The following CACNA1A variants were observed in gnomAD, a reference collection of about 807,000 sequenced individuals.
The protein encoded by CACNA1A is calcium voltage-gated channel subunit alpha1 A, also known as voltage-dependent P/Q-type calcium channel subunit alpha-1A.
CACNA1A carries 57 observed loss-of-function variants against 262.4 expected under a neutral mutation model. The observed-to-expected ratio is 0.22, with a 90% CI of 0.18 to 0.27. The LOEUF is 0.27. Among genes scored for constraint, CACNA1A ranks in the 10% least tolerant of loss-of-function variants. The pLI, the probability that CACNA1A is intolerant of heterozygous loss-of-function variation, is 1.00. For missense variants in CACNA1A, 2,526 were observed against 3,562.8 expected, an observed-to-expected ratio of 0.71 and a Z score of 7.41; for synonymous variants, 1,431 against 1,419.3, an observed-to-expected ratio of 1.01 and a Z score of -0.18.
chr19:13,344,424 T>C (rs1339768738), intron 6 of CACNA1A, among the ~76,000 whole-genome samples: 1 of 152,146 alleles, frequency 6.6e-6, no homozygotes, highest in East Asian at 1.9e-4. Context: ...TTTCTTCTTA[T>C]CACTCAACCT....
chr19:13,255,322 C>G, intron 28 of CACNA1A, 63 bp from the exon 29 acceptor site: 1 of 1,457,072 alleles, frequency 6.9e-7, no homozygotes, highest in Non-Finnish European at 9.2e-7. Flanking sequence ...GTACACCGGG[C>G]ACCCTCTGTC....
intron 38 of CACNA1A, among the ~76,000 whole-genome samples, chr19:13,216,530 G>GT (rs1035672086): frequency 6.6e-6 from 1 of 151,936 alleles, no homozygotes; most frequent in Non-Finnish European, 1.5e-5. Flanking sequence ...GTTTCACCAT[G>GT]TTGGCCAGGC....
intron 3 of CACNA1A, among the ~76,000 whole-genome samples, chr19:13,388,419 C>G (rs11670927): frequency 0.23 from 34,562 of 151,684 alleles, 4,889 homozygotes; most frequent in Non-Finnish European, 0.32. Flanking sequence ...CCATGCCTGG[C>G]TAATTTTTGT....
intron 10 of CACNA1A, among the ~76,000 whole-genome samples, chr19:13,325,624 A>T (rs974881268): frequency 1.3e-4 from 20 of 152,170 alleles, no homozygotes; most frequent in Middle Eastern, 3.2e-3. Flanking sequence ...TATTAGAGAC[A>T]AAGTTTCGCC....
intron 22 of CACNA1A, chr19:13,278,076 T>A (rs2144844521): frequency 7.3e-6 from 1 of 136,528 alleles, no homozygotes; most frequent in South Asian, 2.3e-4. Context: ...AGACAGAGAC[T>A]GTCTAAAAAA....
At chr19:13,486,054 C>T (rs1300592031) in intron 1 of CACNA1A, among the ~76,000 whole-genome samples, 2 of 152,082 alleles carry the variant, frequency 1.3e-5, no homozygotes, top group East Asian at 3.9e-4. Flanking sequence ...ACCAATGAAG[C>T]AAAATACAAA....
At chr19:13,280,794 A>G (rs2057270984) in intron 22 of CACNA1A, among the ~76,000 whole-genome samples, 1 of 151,960 alleles carries the variant, frequency 6.6e-6, no homozygotes, top group African/African-American at 2.4e-5. Flanking sequence ...TACAAAAATT[A>G]GCCGGGTGTG....
At chr19:13,210,815 GAA>G (rs1568421785) in intron 43 of CACNA1A, 163 bp from the exon 44 acceptor site, 3 of 785,590 alleles carry the variant, frequency 3.8e-6, no homozygotes, top group Non-Finnish European at 6.4e-6. Flanking sequence ...GGGAGGAAAA[GAA>G]AAGTTAAAGT....
chr19:13,447,346 T>C (rs1211744551), intron 3 of CACNA1A, among the ~76,000 whole-genome samples: 1 of 152,176 alleles, frequency 6.6e-6, no homozygotes, highest in Non-Finnish European at 1.5e-5. Flanking sequence ...TTCCATCAGA[T>C]GACAGGAAAC....
chr19:13,263,038 T>G (rs1206334943), intron 24 of CACNA1A: 6 of 569,134 alleles, frequency 1.1e-5, no homozygotes, highest in African/African-American at 3.7e-5. Flanking sequence ...TACGTGGCTT[T>G]TTGTGGTTCT....
At chr19:13,225,764 T>C (rs528194115) in intron 37 of CACNA1A, 2 of 152,200 alleles carry the variant, frequency 1.3e-5, no homozygotes, top group Non-Finnish European at 2.9e-5. Context: ...GAAACACACA[T>C]AGACTGGGCC....
At chr19:13,237,816 C>T (rs1055525406) in intron 31 of CACNA1A, among the ~76,000 whole-genome samples, 5 of 152,164 alleles carry the variant, frequency 3.3e-5, no homozygotes, top group African/African-American at 4.8e-5. Context: ...GGGATGGGGC[C>T]GATGGCTCAG....
At chr19:13,278,635 TGTC>T (rs2057209564) in intron 22 of CACNA1A, among the ~76,000 whole-genome samples, 1 of 152,128 alleles carries the variant, frequency 6.6e-6, no homozygotes. Flanking sequence ...CCCACCCAAA[TGTC>T]AGCCCCACAA....
At chr19:13,271,654 G>T (rs1163124354) in intron 24 of CACNA1A, 3 of 152,248 alleles carry the variant, frequency 2.0e-5, no homozygotes, top group East Asian at 3.9e-4. Flanking sequence ...GCCCATAATG[G>T]CAAAAGCTCA....
chr19:13,367,789 A>T (rs1411714040), intron 4 of CACNA1A, among the ~76,000 whole-genome samples: 1 of 152,114 alleles, frequency 6.6e-6, no homozygotes, highest in East Asian at 1.9e-4. Context: ...GACACACCCA[A>T]CTGGGCATCT....
intron 3 of CACNA1A, among the ~76,000 whole-genome samples, chr19:13,429,651 G>A (rs2060469874): frequency 6.6e-6 from 1 of 151,624 alleles, no homozygotes; most frequent in African/African-American, 2.4e-5. Context: ...TTGAAAGCAG[G>A]GACTCAGCTA....
At chr19:13,231,918 C>G in intron 34 of CACNA1A, 58 bp from the exon 35 acceptor site, 1 of 1,558,248 alleles carries the variant, frequency 6.4e-7, no homozygotes, top group Non-Finnish European at 8.7e-7. Context: ...GTACCAACGC[C>G]TCCCCAGGAG....
chr19:13,438,007 G>C (rs552133587), intron 3 of CACNA1A, among the ~76,000 whole-genome samples: 2 of 152,334 alleles, frequency 1.3e-5, no homozygotes, highest in Admixed American at 1.3e-4. Context: ...AGTGAGATTT[G>C]ATAAAAGCTG....
At chr19:13,321,449 T>C (rs2058251498) in intron 10 of CACNA1A, among the ~76,000 whole-genome samples, 1 of 152,126 alleles carries the variant, frequency 6.6e-6, no homozygotes, top group African/African-American at 2.4e-5. Context: ...AATACAGCCA[T>C]GTGTGGCTTA....
Sources: allele counts gnomAD v4.1 joint callset (sites outside exome capture counted in the v4.1 genomes callset), GRCh38; gene constraint gnomAD v4.1.1; transcripts MANE v1.5; gene names NCBI Gene and HGNC (gene_info 2026-07-23, HGNC 2026-07-21).